The following CNTN3 variants were observed in gnomAD, a reference collection of about 807,000 sequenced individuals.
CNTN3 encodes the protein contactin 3.
CNTN3 carries 60 observed loss-of-function variants against 119.1 expected under a neutral mutation model. That is an observed-to-expected ratio of 0.50 (90% CI 0.41 to 0.62). The LOEUF (loss-of-function observed/expected upper bound fraction) is 0.62. CNTN3 is among the 20% of genes least tolerant of loss of function. The probability of loss-of-function intolerance (pLI) is 0.00; values close to 1 mark genes in which losing one functional copy is unlikely to be tolerated. For synonymous variants in CNTN3, 450 were observed against 438.7 expected (o/e 1.03, Z -0.32); for missense variants, 1,101 against 1,242.4 (o/e 0.89, Z 1.71).
rs149190794 is a variant in CNTN3, at chr3:74,577,232, T to C, written c.-81+37159A>G. Among the ~76,000 whole-genome samples the C allele has an allele frequency of 8.4e-3, 1,286 of 152,284 alleles. 15 individuals carry two copies. The highest frequency in any genetic ancestry group is 0.029 in the African/African-American group (1,220 of 41,572). ...AAACTAATATCAAATGAGTATCAAATGCTTCCATGCACTACAAAAATGAAG... is the reference window on the plus strand; with the variant it reads ...AAACTAATATCAAATGAGTATCAAACGCTTCCATGCACTACAAAAATGAAG... On this transcript the variant is annotated intron_variant, in intron 1 of 22. Transcript: ENST00000263665.
intron 1 of CNTN3, among the ~76,000 whole-genome samples, chr3:74,541,119 A>T (rs1372548306): frequency 6.6e-6 from 1 of 152,166 alleles, no homozygotes. Context: ...GAACTCTCAT[A>T]TCCTGACTGT....
intron 4 of CNTN3, among the ~76,000 whole-genome samples, chr3:74,448,825 GTTTTC>G (rs1702094908): frequency 6.6e-6 from 1 of 151,966 alleles, no homozygotes; most frequent in Non-Finnish European, 1.5e-5. Context: ...AACAGTTTTT[GTTTTC>G]TCTGTTATAC....
Position 74,362,004 on chromosome 3 carries a change from T to G in CNTN3, c.1250A>C (p.Lys417Thr). The change falls in exon 11 of 23, where the codon AAG becomes ACG. Residue 417 changes from lysine to threonine, a missense_variant. By Grantham distance (78) the Lys-to-Thr change is moderately conservative. Coordinates refer to ENST00000263665, the MANE Select transcript of CNTN3 (RefSeq NM_020872.3). ...GCTGCCCACCTGCACCTGAACCAAC[T>G]TCTTCATTGGATTCTTTGAAAAATC... ...APDFSKNPMK[K>T]LVQVQVGSLV... 1.9e-6 allele frequency: 3 copies of G among 1,613,646 alleles called. No homozygotes were observed. Among genetic ancestry groups the G allele is most frequent in the Non-Finnish European group, 2.5e-6 (3 of 1,179,674 alleles).
chr3:74,582,404 TAA>T (rs60451715), intron 1 of CNTN3, among the ~76,000 whole-genome samples: 113,218 of 148,844 alleles, frequency 0.76, 45,335 homozygotes, highest in Non-Finnish European at 0.9. Context: ...AGACTCCGTC[TAA>T]AAAAAAAAAA....
At chr3:74,588,770 G>A (rs562486601) in intron 1 of CNTN3, among the ~76,000 whole-genome samples, 66 of 152,210 alleles carry the variant, frequency 4.3e-4, no homozygotes, top group African/African-American at 1.5e-3. Flanking sequence ...ACAGATCAAT[G>A]GAACAGAACA....
intron 1 of CNTN3, among the ~76,000 whole-genome samples, chr3:74,551,754 C>CTTT (rs776621925): frequency 0.024 from 1,473 of 60,322 alleles, 18 homozygotes; most frequent in Non-Finnish European, 0.032. Flanking sequence ...TCTTCTTCTT[C>CTTT]TTTTTTTTTT....
intron 1 of CNTN3, among the ~76,000 whole-genome samples, chr3:74,565,137 A>G (rs1008422715): frequency 6.6e-6 from 1 of 152,184 alleles, no homozygotes; most frequent in Non-Finnish European, 1.5e-5. Flanking sequence ...TACTATAACA[A>G]GTTATCACAC....
chr3:74,536,065 C>T (rs1703760681), intron 1 of CNTN3, among the ~76,000 whole-genome samples: 1 of 152,074 alleles, frequency 6.6e-6, no homozygotes, highest in Non-Finnish European at 1.5e-5. Context: ...AAGTGGGACA[C>T]TGAGAGACAG....
intron 13 of CNTN3, among the ~76,000 whole-genome samples, chr3:74,309,515 G>A (rs1702635890): frequency 6.6e-6 from 1 of 152,130 alleles, no homozygotes; most frequent in Non-Finnish European, 1.5e-5. Flanking sequence ...TTAGTTCTCA[G>A]TGCTGGCTGT....
intron 5 of CNTN3, among the ~76,000 whole-genome samples, chr3:74,404,810 T>C (rs1705285719): frequency 6.6e-6 from 1 of 151,980 alleles, no homozygotes; most frequent in Non-Finnish European, 1.5e-5. Context: ...ATAGTCTATT[T>C]AAAATTCAGT....
intron 1 of CNTN3, among the ~76,000 whole-genome samples, chr3:74,595,646 T>A (rs1239976595): frequency 2.0e-5 from 3 of 152,130 alleles, no homozygotes; most frequent in Admixed American, 2.0e-4. Flanking sequence ...ACAACCCTTC[T>A]TGCTAAAAAC....
At chr3:74,369,744 C>T (rs1704290999) in intron 7 of CNTN3, 145 bp downstream of exon 7, 2 of 574,532 alleles carry the variant, frequency 3.5e-6, no homozygotes. Flanking sequence ...TTTATATGTG[C>T]ATTTCCCCTG....
At chr3:74,603,972 T>C (rs1704952203) in intron 1 of CNTN3, among the ~76,000 whole-genome samples, 1 of 152,026 alleles carries the variant, frequency 6.6e-6, no homozygotes, top group South Asian at 2.1e-4. Flanking sequence ...ACAGAACGCA[T>C]ATCCCATCAG....
At chr3:74,330,759 A>G (rs1258827693) in intron 13 of CNTN3, among the ~76,000 whole-genome samples, 2 of 152,154 alleles carry the variant, frequency 1.3e-5, no homozygotes, top group Non-Finnish European at 2.9e-5. Flanking sequence ...GAGGCACAAG[A>G]CAGTGATATT....
rs573256577 is a variant in CNTN3 at position 74,357,918 on chromosome 3, A to G, written c.1364+3972T>C. On this transcript the variant is annotated intron_variant, in intron 11 of 22. Coordinates refer to ENST00000263665, the MANE Select transcript of CNTN3 (RefSeq NM_020872.3). ...TGCATTTTTAAAGTTGTAACAATCCATGATCTAACAACCACAATAAATCTA... is the reference window on the plus strand; with the variant it reads ...TGCATTTTTAAAGTTGTAACAATCCGTGATCTAACAACCACAATAAATCTA... 3.9e-4 allele frequency among the ~76,000 whole-genome samples: 60 copies of G among 152,244 alleles called. 1 individual carries two copies. The highest frequency in any genetic ancestry group is 1.3e-3 in the African/African-American group (56 of 41,510).
intron 3 of CNTN3, among the ~76,000 whole-genome samples, chr3:74,489,529 A>C (rs1380268170): frequency 6.6e-6 from 1 of 150,578 alleles, no homozygotes; most frequent in African/African-American, 2.4e-5. Context: ...ATACTGGGCA[A>C]TTTTCTATGT....
At chr3:74,329,720 A>G (rs2106696054) in intron 13 of CNTN3, among the ~76,000 whole-genome samples, 1 of 152,326 alleles carries the variant, frequency 6.6e-6, no homozygotes, top group South Asian at 2.1e-4. Context: ...ATGGATGCTA[A>G]GCTCTATTTA....
chr3:74,598,488 A>AT (rs983668050), intron 1 of CNTN3, among the ~76,000 whole-genome samples: 6 of 151,942 alleles, frequency 3.9e-5, no homozygotes, highest in African/African-American at 1.2e-4. Context: ...AATTATTTTT[A>AT]TTTTTTTTGT....
chr3:74,386,937 C>T (rs988020935), intron 5 of CNTN3, among the ~76,000 whole-genome samples: 7 of 152,094 alleles, frequency 4.6e-5, no homozygotes, highest in African/African-American at 1.4e-4. Flanking sequence ...GGCTGGATAC[C>T]ACATATACTG....
Sources: allele counts gnomAD v4.1 joint callset (sites outside exome capture counted in the v4.1 genomes callset), GRCh38; gene constraint gnomAD v4.1.1; transcripts MANE v1.5; gene names NCBI Gene and HGNC (gene_info 2026-07-23, HGNC 2026-07-21).